Variants in TRIM29 observed in about 807,000 individuals in gnomAD.
TRIM29 encodes the protein tripartite motif-containing protein 29.
TRIM29 carries 52 observed loss-of-function variants against 57.3 expected under a neutral mutation model. The ratio of observed to expected loss-of-function variants is 0.91; its 90% confidence interval spans 0.73 to 1.14. TRIM29 has a LOEUF of 1.14. Ranked by LOEUF, TRIM29 falls within the 50% of genes most tolerant of loss-of-function variation. TRIM29 has a pLI of 0.00. For synonymous variants in TRIM29, 319 were observed against 316.9 expected (o/e 1.01, Z -0.07); for missense variants, 753 against 774.6 (o/e 0.97, Z 0.33).
At chr11:120,122,444 G>A (rs1863479450) in intron 5 of TRIM29, among the ~76,000 whole-genome samples, 1 of 152,232 alleles carries the variant, frequency 6.6e-6, no homozygotes, top group Admixed American at 6.5e-5. Flanking sequence ...CAGGGCCTGA[G>A]AGGGAGGGCC....
chr11:120,112,491 A>G lies in TRIM29; in HGVS notation c.1705-15T>C, dbSNP rs1267372233. ...CGGTAGTGAGACTGTGGGGGAAACAAGAGTGGTCAGCGAGGCCAGACGACA... is the reference window on the plus strand; with the variant it reads ...CGGTAGTGAGACTGTGGGGGAAACAGGAGTGGTCAGCGAGGCCAGACGACA... On this transcript the variant is annotated splice_polypyrimidine_tract_variant and intron_variant, in intron 8 of 8. Coordinates refer to ENST00000341846, the MANE Select transcript of TRIM29 (RefSeq NM_012101.4). 1.2e-6 allele frequency: 2 copies of G among 1,613,596 alleles called. No individual in the cohort carries two copies. The highest frequency in any genetic ancestry group is 1.7e-6 in the Non-Finnish European group (2 of 1,179,752).
chr11:120,121,913 G>T (rs938964808), intron 5 of TRIM29: 2 of 444,292 alleles, frequency 4.5e-6, no homozygotes, highest in African/African-American at 4.1e-5. Context: ...GGGTGCTGGG[G>T]CCGGCACTCC....
At chr11:120,121,211 C>T (rs1231401205) in intron 5 of TRIM29, among the ~76,000 whole-genome samples, 1 of 152,180 alleles carries the variant, frequency 6.6e-6, no homozygotes, top group African/African-American at 2.4e-5. Flanking sequence ...ACCACACCCC[C>T]ATTTCCGGCC....
intron 6 of TRIM29, chr11:120,118,841 G>A (rs1037463475): frequency 3.3e-5 from 5 of 153,696 alleles, no homozygotes; most frequent in East Asian, 3.9e-4. Flanking sequence ...ACCTCCCAAC[G>A]TCTGCATGTG....
intron 1 of TRIM29, among the ~76,000 whole-genome samples, chr11:120,133,002 C>T (rs1041084082): frequency 2.0e-5 from 3 of 152,172 alleles, no homozygotes; most frequent in African/African-American, 7.2e-5. Flanking sequence ...GTTAGCACCC[C>T]CCTCAGTCTC....
intron 1 of TRIM29, among the ~76,000 whole-genome samples, chr11:120,130,931 T>A (rs1289565498): frequency 6.6e-6 from 1 of 152,158 alleles, no homozygotes; most frequent in Non-Finnish European, 1.5e-5. Flanking sequence ...GTGTGTACAC[T>A]GTCCGGACAC....
At position 120,138,014 on chromosome 11, in the gene TRIM29, G is replaced by C. The variant is rs751140300; in HGVS notation, c.18C>G (p.Ala6=). ...CTGGGCTCGACCCGTTGCTCCTGGA[G>C]GCATCTGCAGCTTCCATCGCAGGGT... MEAAD[A]SRSNGSSPEA... is the part of the protein sequence containing the mutation. The change falls in exon 1 of 9, where the codon GCC becomes GCG. Residue 6 remains alanine (A), a synonymous_variant. Transcript: ENST00000341846. 1.9e-6 allele frequency: 3 copies of C among 1,598,820 alleles called. No homozygotes were observed. The highest frequency in any genetic ancestry group is 1.7e-6 in the Non-Finnish European group (2 of 1,178,402).
chr11:120,130,468 TAGG>T (rs967828054), intron 1 of TRIM29, among the ~76,000 whole-genome samples: 6 of 152,158 alleles, frequency 3.9e-5, no homozygotes, highest in Non-Finnish European at 7.3e-5. Context: ...CTGTCTCAAA[TAGG>T]AGATGGGCAG....
At chr11:120,117,426 A>C (rs772620190) in intron 7 of TRIM29, 1 of 155,160 alleles carries the variant, frequency 6.4e-6, no homozygotes, top group South Asian at 2.0e-4. Flanking sequence ...GGCCTCAGAG[A>C]CCACTGTTCA....
chr11:120,129,750 G>A (rs1227530369), intron 1 of TRIM29, among the ~76,000 whole-genome samples: 2 of 152,124 alleles, frequency 1.3e-5, no homozygotes, highest in African/African-American at 2.4e-5. Flanking sequence ...AAAGGTGCCC[G>A]GAGGGTGGGG....
chr11:120,127,131 ATGGAT>A (rs1863607888), intron 3 of TRIM29, among the ~76,000 whole-genome samples, 200 bp downstream of exon 3: 2 of 152,236 alleles, frequency 1.3e-5, no homozygotes, highest in African/African-American at 4.8e-5. Flanking sequence ...AGGTAAAGAA[ATGGAT>A]TGGATTTAAA....
intron 6 of TRIM29, 30 bp downstream of exon 6, chr11:120,120,543 T>C (rs571396507): frequency 3.6e-5 from 57 of 1,601,160 alleles, no homozygotes; most frequent in Non-Finnish European, 4.8e-5. Context: ...ACATGAACTC[T>C]GTGCACCCTT....
In TRIM29 at chr11:120,115,433, C is replaced by G. The variant is rs755748369; in HGVS notation, c.1628-19G>C. 6.2e-7 allele frequency: 1 copy of G among 1,611,128 alleles called. No individual in the cohort carries two copies. The highest frequency in any genetic ancestry group is 2.2e-5 in the East Asian group (1 of 44,852). ...GGATAGCCTGGGAAGACAAGAGATT[C>G]AGGTCAAAGGGAGCAGCGCTGGTGG... On this transcript the variant is annotated intron_variant, in intron 7 of 8. Coordinates refer to ENST00000341846, the MANE Select transcript of TRIM29 (RefSeq NM_012101.4).
chr11:120,131,900 CT>C (rs1863730552), intron 1 of TRIM29, among the ~76,000 whole-genome samples: 1 of 149,196 alleles, frequency 6.7e-6, no homozygotes, highest in African/African-American at 2.5e-5. Flanking sequence ...GACTTTTCTC[CT>C]TTAACCAGCA....
chr11:120,115,504 T>G (rs552974470), intron 7 of TRIM29, 90 bp from the exon 8 acceptor site: 1 of 1,124,542 alleles, frequency 8.9e-7, no homozygotes, highest in Admixed American at 2.2e-5. Context: ...TTCTCCAAAG[T>G]GACCACCAAG....
Sources: gnomAD v4.1 joint callset for allele counts (sites outside exome capture counted in the v4.1 genomes callset) on GRCh38, gnomAD v4.1.1 for gene constraint, MANE v1.5 for transcripts, NCBI Gene and HGNC (gene_info 2026-07-23, HGNC 2026-07-21) for gene names.